Variants in TRIM2 observed in about 807,000 individuals in gnomAD.
TRIM2 encodes tripartite motif containing 2, also known as tripartite motif-containing protein 2.
Under a neutral mutation model 75.2 loss-of-function variants are expected in TRIM2, and 20 were observed. The ratio of observed to expected loss-of-function variants is 0.27; its 90% CI spans 0.19 to 0.39. The LOEUF (loss-of-function observed/expected upper bound fraction) is 0.39. TRIM2 is among the 10% of genes least tolerant of loss of function. The pLI, the probability that TRIM2 is intolerant of heterozygous loss-of-function variation, is 1.00. For missense variants in TRIM2, 660 were observed against 990.8 expected (o/e 0.67, Z 4.48); for synonymous variants, 373 against 388.3 (o/e 0.96, Z 0.46).
chr4:153,219,552 G>T (rs572007920), intron 1 of TRIM2, among the ~76,000 whole-genome samples: 65 of 152,160 alleles, frequency 4.3e-4, no homozygotes, highest in African/African-American at 1.5e-3. Flanking sequence ...TAAAATCAAG[G>T]ACTGCATAAA....
At chr4:153,285,091 T>C (rs558388198) in intron 3 of TRIM2, among the ~76,000 whole-genome samples, 1 of 152,202 alleles carries the variant, frequency 6.6e-6, no homozygotes, top group Non-Finnish European at 1.5e-5. Flanking sequence ...AGGTCTTTTA[T>C]GTATCTTGAG....
At chr4:153,173,616 T>G (rs1294232974) in intron 1 of TRIM2, among the ~76,000 whole-genome samples, 1 of 149,036 alleles carries the variant, frequency 6.7e-6, no homozygotes, top group African/African-American at 2.5e-5. Flanking sequence ...TGAGCCGAGA[T>G]CGCGCCATTG....
intron 1 of TRIM2, among the ~76,000 whole-genome samples, chr4:153,267,810 C>T (rs763867197): frequency 1.3e-5 from 2 of 151,742 alleles, no homozygotes; most frequent in Non-Finnish European, 2.9e-5. Flanking sequence ...TTCTTTCTTT[C>T]GTAACCACCC....
intron 1 of TRIM2, among the ~76,000 whole-genome samples, chr4:153,158,812 G>A (rs1005660271): frequency 6.6e-6 from 1 of 152,184 alleles, no homozygotes; most frequent in Admixed American, 6.5e-5. Context: ...GGAAAGGTAA[G>A]CCGAGAAGGT....
At position 153,295,238 on chromosome 4, in the gene TRIM2, G is replaced by A. The variant is rs1350962550; in HGVS notation, c.787-75G>A. The A allele has an allele frequency of 2.7e-6, 4 of 1,458,638 alleles. No individual in the cohort carries two copies. Among genetic ancestry groups the A allele is most frequent in the Admixed American group, 2.8e-5 (1 of 36,322 alleles). 90.4% of individuals were successfully genotyped at this position (1,458,638 alleles called of 1,614,324 possible). ...TGGGCAGGTGTAGAGTCTCCTTCTC[G>A]CCGGTGGAGGGCACTGCCCCGGGCT... On this transcript the variant is annotated intron_variant, in intron 5 of 11. Transcript: ENST00000338700. This position sits in a 1 kb window ranked among gnomAD's most constrained non-coding sequence, Gnocchi z 7.2.
chr4:153,325,908 A>C (rs1770063635), intron 10 of TRIM2, among the ~76,000 whole-genome samples: 1 of 152,226 alleles, frequency 6.6e-6, no homozygotes, highest in Non-Finnish European at 1.5e-5. Flanking sequence ...GAATTAAAAC[A>C]TATGTAAGTA....
rs983647307 is a variant in TRIM2 at position 153,265,351 on chromosome 4, A to AT, written c.31-4973dup. Among the ~76,000 whole-genome samples, 1,307 of 141,166 alleles carry AT rather than the reference A, an allele frequency of 9.3e-3. 19 individuals carry two copies. Among genetic ancestry groups the AT allele is most frequent in the East Asian group, 0.047 (228 of 4,868 alleles). The allele number at this position is 141,166 out of a possible 152,430, so 92.6% of individuals were successfully genotyped here. A position where few individuals can be genotyped will look rare whatever the true frequency, so the allele number is the denominator to read the frequency against. ...TTTGTTTTTTGTGTTTTTTTTTGTT[A>AT]TTTTTTTTTTTAAGATGGAGTCTCA... is the stretch of plus-strand genomic sequence containing the variant. On this transcript the variant is annotated intron_variant, in intron 1 of 11. Transcript: ENST00000338700.
At chr4:153,330,577 C>T (rs1230888119) in intron 11 of TRIM2, among the ~76,000 whole-genome samples, 12 of 152,188 alleles carry the variant, frequency 7.9e-5, no homozygotes, top group Admixed American at 7.8e-4. Flanking sequence ...TAAAGAAAAT[C>T]AGTCAATGTA....
intron 1 of TRIM2, among the ~76,000 whole-genome samples, chr4:153,164,604 C>A (rs774008158): frequency 3.3e-5 from 5 of 152,202 alleles, no homozygotes; most frequent in African/African-American, 7.2e-5. Flanking sequence ...GGTCCCCAGC[C>A]TCCCGAATTT....
At chr4:153,182,323 C>T (rs1416188881) in intron 1 of TRIM2, among the ~76,000 whole-genome samples, 2 of 152,164 alleles carry the variant, frequency 1.3e-5, no homozygotes, top group African/African-American at 4.8e-5. Flanking sequence ...TCCAACCAGG[C>T]TCCTTGATGT....
chr4:153,305,600 A>G lies in TRIM2; in HGVS notation c.1510+9564A>G, dbSNP rs115655599. Reference sequence around the variant, plus strand: ...CTTCTGGCTAGGGCTTCTGTACTGCATCATAATATGGTGGAAAAGCTGAAG... The same window carrying G: ...CTTCTGGCTAGGGCTTCTGTACTGCGTCATAATATGGTGGAAAAGCTGAAG... On this transcript the variant is annotated intron_variant, in intron 6 of 11. Coordinates refer to ENST00000338700, the MANE Select transcript of TRIM2 (RefSeq NM_015271.5). 6.8e-3 allele frequency among the ~76,000 whole-genome samples: 1,030 copies of G among 152,332 alleles called. 13 individuals are homozygous for G. The highest frequency in any genetic ancestry group is 0.023 in the African/African-American group (971 of 41,582).
Position 153,263,769 on chromosome 4 carries a change from C to T in TRIM2, c.31-6566C>T, listed in dbSNP as rs115184437. 5.8e-3 allele frequency among the ~76,000 whole-genome samples: 876 copies of T among 152,274 alleles called. 6 individuals are homozygous for T. Among genetic ancestry groups the T allele is most frequent in the South Asian group, 9.3e-3 (45 of 4,828 alleles). On this transcript the variant is annotated intron_variant, in intron 1 of 11. Transcript: ENST00000338700. ...GGTTAGGAAATCTGAGATCAGGGTG[C>T]CCCCATGGTGGGTTCTAGTGAGGCC...
At chr4:153,240,976 C>G (rs1425944785) in intron 1 of TRIM2, among the ~76,000 whole-genome samples, 4 of 152,200 alleles carry the variant, frequency 2.6e-5, no homozygotes, top group Admixed American at 2.6e-4. Context: ...ACTCCGGAGG[C>G]TGAGGCAGGA....
intron 1 of TRIM2, among the ~76,000 whole-genome samples, chr4:153,209,870 G>C (rs1012386326): frequency 2.0e-5 from 3 of 152,074 alleles, no homozygotes; most frequent in East Asian, 3.9e-4. Flanking sequence ...ACCTTCCAAG[G>C]ATGGGTTTTT....
chr4:153,261,810 G>A (rs1473429901), intron 1 of TRIM2, among the ~76,000 whole-genome samples: 1 of 152,190 alleles, frequency 6.6e-6, no homozygotes, highest in East Asian at 1.9e-4. Context: ...GATGGAAAAT[G>A]TGGTCTAAAT....
chr4:153,177,707 C>CTCCTTCCTTCCTTCCTTCCTTACTTCCT, intron 1 of TRIM2, among the ~76,000 whole-genome samples: 1 of 133,974 alleles, frequency 7.5e-6, no homozygotes, highest in South Asian at 2.7e-4. Flanking sequence ...TGGTGGCTCG[C>CTCCTTCCTTCCTTCCTTCCTTACTTCCT]TCCTTCCTTC....
upstream of TRIM2, among the ~76,000 whole-genome samples, chr4:153,200,724 A>AATAT (rs1328920767): frequency 1.8e-3 from 244 of 138,102 alleles, no homozygotes; most frequent in African/African-American, 2.5e-3. Flanking sequence ...AAGAAAAAAA[A>AATAT]ATATATATAT....
chr4:153,309,273 CA>C (rs1324639784), intron 6 of TRIM2, among the ~76,000 whole-genome samples: 2 of 152,042 alleles, frequency 1.3e-5, no homozygotes, highest in Non-Finnish European at 2.9e-5. Context: ...TGTAAAGGAT[CA>C]GGAGAACCAG....
chr4:153,182,647 C>A (rs1039315978), intron 1 of TRIM2, among the ~76,000 whole-genome samples: 2 of 152,176 alleles, frequency 1.3e-5, no homozygotes, highest in African/African-American at 4.8e-5. Flanking sequence ...TTAGGGTGCA[C>A]ACAAATATGG....
Sources: allele counts gnomAD v4.1 joint callset (sites outside exome capture counted in the v4.1 genomes callset), GRCh38; gene constraint gnomAD v4.1.1; non-coding constraint Gnocchi (gnomAD v3.1); transcripts MANE v1.5; gene names NCBI Gene and HGNC (gene_info 2026-07-23, HGNC 2026-07-21).